Variants in LPP observed in about 807,000 individuals in gnomAD.
LPP encodes lipoma-preferred partner.
Under a neutral mutation model 60.4 loss-of-function variants are expected in LPP, and 38 were observed. The ratio of observed to expected loss-of-function variants is 0.63; its 90% CI spans 0.49 to 0.83. The LOEUF is 0.83. Among genes scored for constraint, LPP ranks in the 40% least tolerant of loss-of-function variants. The pLI, the probability that LPP is intolerant of heterozygous loss-of-function variation, is 0.00. For synonymous variants in LPP, 328 were observed against 290.8 expected (o/e 1.13, Z -1.30); for missense variants, 902 against 783.6 (o/e 1.15, Z -1.80).
intron 2 of LPP, among the ~76,000 whole-genome samples, chr3:188,244,394 G>A (rs1726113886): frequency 6.6e-6 from 1 of 152,176 alleles, no homozygotes; most frequent in Non-Finnish European, 1.5e-5. Context: ...CTTAGGGAGA[G>A]GCACCAGTCT....
intron 2 of LPP, among the ~76,000 whole-genome samples, chr3:188,295,865 C>A (rs548033875): frequency 6.6e-6 from 1 of 152,180 alleles, no homozygotes; most frequent in Admixed American, 6.5e-5. Flanking sequence ...TTTTCTTAAA[C>A]CCAGGGGCAG....
intron 2 of LPP, among the ~76,000 whole-genome samples, chr3:188,247,897 G>T (rs1727582858): frequency 6.6e-6 from 1 of 151,944 alleles, no homozygotes; most frequent in Non-Finnish European, 1.5e-5. Context: ...GGATGTAGAA[G>T]AGTTTAAAAT....
intron 9 of LPP, among the ~76,000 whole-genome samples, chr3:188,769,006 T>C (rs1735011620): frequency 6.6e-6 from 1 of 152,108 alleles, no homozygotes; most frequent in African/African-American, 2.4e-5. Context: ...ATTTTAAATA[T>C]TGGAATAATG....
At chr3:188,440,353 T>A (rs1204600950) in intron 4 of LPP, among the ~76,000 whole-genome samples, 7 of 151,618 alleles carry the variant, frequency 4.6e-5, no homozygotes, top group Admixed American at 4.6e-4. Context: ...ATATTTAAAG[T>A]TTTTTTTTAG....
At chr3:188,179,297 T>G (rs1724176582) in intron 1 of LPP, 1 of 458,400 alleles carries the variant, frequency 2.2e-6, no homozygotes, top group Non-Finnish European at 4.4e-6. Flanking sequence ...ATCTGACCCG[T>G]GCATGTGCCT....
chr3:188,312,960 A>G (rs1176716216), intron 2 of LPP: 2 of 151,970 alleles, frequency 1.3e-5, no homozygotes, highest in Non-Finnish European at 2.9e-5. Flanking sequence ...CAGGAAAGGG[A>G]ACATCACACA....
intron 7 of LPP, among the ~76,000 whole-genome samples, chr3:188,646,853 GAACA>G (rs1406753383): frequency 5.9e-5 from 9 of 152,146 alleles, no homozygotes; most frequent in Non-Finnish European, 1.2e-4. Flanking sequence ...GCTATAAAAG[GAACA>G]AACAAATACA....
chr3:188,184,614 G>A (rs1163950688), intron 1 of LPP, among the ~76,000 whole-genome samples: 2 of 151,880 alleles, frequency 1.3e-5, no homozygotes, highest in Non-Finnish European at 1.5e-5. Flanking sequence ...CCTAATGTGA[G>A]CCTTGAGTAA....
intron 4 of LPP, among the ~76,000 whole-genome samples, chr3:188,455,379 G>T (rs1797506591): frequency 6.6e-6 from 1 of 152,208 alleles, no homozygotes; most frequent in Non-Finnish European, 1.5e-5. Context: ...ACACCCAGGA[G>T]AAAGTGATTT....
At chr3:188,579,673 A>G (rs1029369360) in intron 6 of LPP, among the ~76,000 whole-genome samples, 8 of 150,352 alleles carry the variant, frequency 5.3e-5, no homozygotes, top group Middle Eastern at 3.2e-3. Flanking sequence ...TTTAAACCCC[A>G]GTGAGGCTGG....
At chr3:188,561,592 G>A (rs1011938270) in intron 6 of LPP, among the ~76,000 whole-genome samples, 10 of 151,990 alleles carry the variant, frequency 6.6e-5, no homozygotes, top group Non-Finnish European at 1.5e-4. Context: ...GTGGCAAATC[G>A]CTTTACTTCT....
chr3:188,588,827 C>G (rs751195451), intron 6 of LPP, among the ~76,000 whole-genome samples: 3 of 152,174 alleles, frequency 2.0e-5, no homozygotes, highest in Non-Finnish European at 4.4e-5. Context: ...CACAAACACA[C>G]AGCCATCCAT....
At chr3:188,328,195 T>C (rs760212067) in intron 2 of LPP, among the ~76,000 whole-genome samples, 2 of 152,206 alleles carry the variant, frequency 1.3e-5, no homozygotes, top group Non-Finnish European at 2.9e-5. Flanking sequence ...CAATGTGGAA[T>C]GTGAAATCAT....
At chr3:188,633,014 G>A (rs1418413251) in intron 7 of LPP, among the ~76,000 whole-genome samples, 1 of 152,172 alleles carries the variant, frequency 6.6e-6, no homozygotes, top group Admixed American at 6.5e-5. Flanking sequence ...TATGCAATCT[G>A]AGGAAAGTTG....
chr3:188,486,814 T>C (rs1806689571), intron 5 of LPP, among the ~76,000 whole-genome samples: 2 of 152,224 alleles, frequency 1.3e-5, no homozygotes, highest in South Asian at 4.1e-4. Flanking sequence ...ATGAGAGTCC[T>C]ATAAAGTTTG....
chr3:188,656,212 A>C (rs1175235414), intron 7 of LPP, among the ~76,000 whole-genome samples: 1 of 151,832 alleles, frequency 6.6e-6, no homozygotes, highest in African/African-American at 2.4e-5. Context: ...AAAAAAAAAA[A>C]AAAAACACTT....
chr3:188,762,937 C>A (rs559058312), intron 9 of LPP, among the ~76,000 whole-genome samples: 1 of 152,214 alleles, frequency 6.6e-6, no homozygotes, highest in South Asian at 2.1e-4. Context: ...AGTCCTCAAG[C>A]CCTCAGATGG....
At chr3:188,342,168 G>T (rs1337018170) in intron 3 of LPP, among the ~76,000 whole-genome samples, 1 of 152,138 alleles carries the variant, frequency 6.6e-6, no homozygotes, top group Non-Finnish European at 1.5e-5. Flanking sequence ...AATATTTATG[G>T]CTGGGTCAGT....
At chr3:188,442,909 C>T (rs1200890050) in intron 4 of LPP, among the ~76,000 whole-genome samples, 1 of 152,178 alleles carries the variant, frequency 6.6e-6, no homozygotes, top group African/African-American at 2.4e-5. Context: ...CAGAGGAGTG[C>T]TGATTGAGTC....
Sources: allele counts gnomAD v4.1 joint callset (sites outside exome capture counted in the v4.1 genomes callset), GRCh38; gene constraint gnomAD v4.1.1; transcripts MANE v1.5; gene names NCBI Gene and HGNC (gene_info 2026-07-23, HGNC 2026-07-21).